Variants in EPB41L3 observed in about 807,000 individuals in gnomAD.
EPB41L3 encodes the protein erythrocyte membrane protein band 4.1 like 3.
A neutral mutation model predicts 127.1 loss-of-function variants in EPB41L3; 57 were observed. The ratio of observed to expected loss-of-function variants is 0.45; its 90% CI spans 0.36 to 0.56. EPB41L3 has a LOEUF of 0.56. EPB41L3 is among the 20% of genes least tolerant of loss of function. The pLI is 0.00. For missense variants in EPB41L3, 1,273 were observed against 1,372.2 expected, an observed-to-expected ratio of 0.93 and a Z score of 1.14; for synonymous variants, 572 against 549.5, an observed-to-expected ratio of 1.04 and a Z score of -0.57.
chr18:5,526,746 G>A (rs1252695361), intron 1 of EPB41L3, among the ~76,000 whole-genome samples: 1 of 152,140 alleles, frequency 6.6e-6, no homozygotes, highest in African/African-American at 2.4e-5. Flanking sequence ...TATAAATGAT[G>A]TTGCCAATAG....
chr18:5,425,863 C>T (rs565073303), intron 9 of EPB41L3, among the ~76,000 whole-genome samples: 1 of 152,218 alleles, frequency 6.6e-6, no homozygotes, highest in Admixed American at 6.5e-5. Context: ...TACTCCTGAC[C>T]TCAACACACC....
intron 2 of EPB41L3, among the ~76,000 whole-genome samples, chr18:5,480,461 T>C (rs7238801): frequency 0.71 from 107,220 of 151,696 alleles, 37,983 homozygotes; most frequent in Middle Eastern, 0.77. Flanking sequence ...GAGAGAGACA[T>C]GGGGAGCCTA....
intron 1 of EPB41L3, among the ~76,000 whole-genome samples, chr18:5,542,807 T>C (rs2093770103): frequency 6.6e-6 from 1 of 152,150 alleles, no homozygotes; most frequent in Non-Finnish European, 1.5e-5. Flanking sequence ...TACAATTTAC[T>C]AGGTAACCAC....
At chr18:5,524,886 A>G (rs1461185630) in intron 1 of EPB41L3, among the ~76,000 whole-genome samples, 1 of 152,146 alleles carries the variant, frequency 6.6e-6, no homozygotes, top group Non-Finnish European at 1.5e-5. Flanking sequence ...GACAGCCCCA[A>G]GTCATCCCCA....
At chr18:5,509,218 C>A (rs1028426055) in intron 1 of EPB41L3, among the ~76,000 whole-genome samples, 4 of 152,162 alleles carry the variant, frequency 2.6e-5, no homozygotes, top group Admixed American at 2.6e-4. Flanking sequence ...GGTGGCCAGC[C>A]CCCATGGCAG....
chr18:5,551,862 T>C (rs2093970593), intron 3 of EPB41L3, among the ~76,000 whole-genome samples: 1 of 152,208 alleles, frequency 6.6e-6, no homozygotes, highest in African/African-American at 2.4e-5. Context: ...TTTTAAATAT[T>C]GATGCTTAAG....
intron 3 of EPB41L3, among the ~76,000 whole-genome samples, chr18:5,569,800 A>G (rs193030144): frequency 6.6e-6 from 1 of 152,340 alleles, no homozygotes; most frequent in Admixed American, 6.5e-5. Flanking sequence ...GTATTTTAAT[A>G]GTAAACTTTG....
rs1273749795 is a variant in EPB41L3, at chr18:5,434,108, A to G, written c.619T>C (p.Leu207=). Residue 207 remains leucine, a synonymous_variant, in exon 7 of 23, where the codon TTG becomes CTG. Coordinates refer to ENST00000341928, the MANE Select transcript of EPB41L3 (RefSeq NM_012307.5). ...GACACGATGTCATCTCGCAACTGCA[A>G]GCAGAGGTAGTACCTTCCAGGAACC... ...SEDITRYYLC[L]QLRDDIVSGR... 5 of 1,614,136 alleles carry G rather than the reference A, an allele frequency of 3.1e-6. No homozygotes were observed. The Admixed American group carries it at 5.0e-5, about 16-fold the overall frequency.
chr18:5,473,982 A>T (rs2086655878), intron 3 of EPB41L3, among the ~76,000 whole-genome samples: 1 of 152,152 alleles, frequency 6.6e-6, no homozygotes, highest in Non-Finnish European at 1.5e-5. Flanking sequence ...CTGTAATCCC[A>T]GCACTTTGGG....
intron 3 of EPB41L3, among the ~76,000 whole-genome samples, chr18:5,593,131 A>G (rs1240983656): frequency 6.6e-6 from 1 of 151,836 alleles, no homozygotes; most frequent in East Asian, 1.9e-4. Context: ...AAAACCATAG[A>G]CCTTTTACTG....
intron 3 of EPB41L3, among the ~76,000 whole-genome samples, chr18:5,474,804 T>G (rs2086848315): frequency 6.6e-6 from 1 of 152,136 alleles, no homozygotes; most frequent in South Asian, 2.1e-4. Context: ...TGAGTGGTAG[T>G]AGGAAGGGGC....
intron 1 of EPB41L3, among the ~76,000 whole-genome samples, chr18:5,627,588 A>C (rs2094935947): frequency 6.6e-6 from 1 of 152,194 alleles, no homozygotes; most frequent in African/African-American, 2.4e-5. Flanking sequence ...TGGGATATAT[A>C]GTTTAATATT....
chr18:5,438,524 T>C (rs1260302685), intron 5 of EPB41L3, among the ~76,000 whole-genome samples: 1 of 152,234 alleles, frequency 6.6e-6, no homozygotes, highest in African/African-American at 2.4e-5. Context: ...TTCTTTGTCC[T>C]TTCTGCTCTG....
chr18:5,419,312 G>A (rs969921375), intron 12 of EPB41L3, among the ~76,000 whole-genome samples: 1 of 152,208 alleles, frequency 6.6e-6, no homozygotes, highest in Non-Finnish European at 1.5e-5. Context: ...ATGGCAATAT[G>A]ATAATTGTAT....
rs77332925 is a variant in EPB41L3 at position 5,501,277 on chromosome 18, A to AAATGAATGAATGAATG, written c.-11-12099_-11-12084dup. On this transcript the variant is annotated intron_variant, in intron 1 of 22. Coordinates refer to ENST00000341928, the MANE Select transcript of EPB41L3 (RefSeq NM_012307.5). ...GCAGACTGGGGGTCATTAAGTATTT[A>AAATGAATGAATGAATG]AATGAATGAATGAATGAATGAATGA... Among the ~76,000 whole-genome samples, 5 of 150,994 alleles carry AAATGAATGAATGAATG rather than the reference A, an allele frequency of 3.3e-5. No individual in the cohort carries two copies. In the East Asian group the frequency reaches 7.9e-4, roughly 24 times the overall value.
chr18:5,454,397 T>G (rs2146773054), intron 3 of EPB41L3, among the ~76,000 whole-genome samples: 1 of 152,188 alleles, frequency 6.6e-6, no homozygotes, highest in South Asian at 2.1e-4. Context: ...CCTGCCTTTT[T>G]GGGCTGTCTC....
chr18:5,471,083 A>G (rs2086057491), intron 3 of EPB41L3, among the ~76,000 whole-genome samples: 1 of 152,134 alleles, frequency 6.6e-6, no homozygotes, highest in South Asian at 2.1e-4. Context: ...GCAGGAGCAG[A>G]GTGGGCGTCA....
chr18:5,415,666 G>T, intron 13 of EPB41L3, 152 bp downstream of exon 13: 1 of 780,950 alleles, frequency 1.3e-6, no homozygotes, highest in Non-Finnish European at 2.0e-6. Context: ...GGCCCAGGTT[G>T]GACTCCCCAA....
At chr18:5,620,129 G>GT (rs1262228063) in intron 1 of EPB41L3, among the ~76,000 whole-genome samples, 1 of 144,012 alleles carries the variant, frequency 6.9e-6, no homozygotes, top group Non-Finnish European at 1.6e-5. Context: ...ATGTTATCAA[G>GT]TTTAAAAAAA....
Sources: gnomAD v4.1 joint callset for allele counts (sites outside exome capture counted in the v4.1 genomes callset) on GRCh38, gnomAD v4.1.1 for gene constraint, MANE v1.5 for transcripts, NCBI Gene and HGNC (gene_info 2026-07-23, HGNC 2026-07-21) for gene names.